PCDHGA2: variants seen among roughly 807,000 people sequenced by gnomAD.
PCDHGA2 encodes protocadherin gamma subfamily A, 2.
A neutral mutation model predicts 59.2 loss-of-function variants in PCDHGA2; 40 were observed. The ratio of observed to expected loss-of-function variants is 0.68; its 90% confidence interval spans 0.52 to 0.88. The LOEUF (loss-of-function observed/expected upper bound fraction) is 0.88. PCDHGA2 is among the 40% of genes least tolerant of loss of function. The pLI is 0.00. For missense variants in PCDHGA2, 1,226 were observed against 1,204.0 expected (o/e 1.02, Z -0.27); for synonymous variants, 560 against 526.0 (o/e 1.06, Z -0.89).
intron 2 of PCDHGA2, among the ~76,000 whole-genome samples, chr5:141,499,029 A>G (rs140948405): frequency 1.5e-3 from 205 of 140,068 alleles, no homozygotes; most frequent in African/African-American, 5.5e-3. Context: ...AGGAAGGAAG[A>G]AAAGAAAGAA....
rs1298448753 is a variant in PCDHGA2 at position 141,486,417 on chromosome 5, G to A, written c.2425-8390G>A. 1 of 1,614,132 alleles carries A rather than the reference G, an allele frequency of 6.2e-7. No individual in the cohort carries two copies. Among genetic ancestry groups the A allele is most frequent in the Non-Finnish European group, 8.5e-7 (1 of 1,179,998 alleles). ...CTGGTGACTGCTGGACCCTTGGATC[G>A]AGAGGCCAAATCTAGCTATGACATC... On this transcript the variant is annotated intron_variant, in intron 1 of 3. Transcript: ENST00000394576. The surrounding 1 kb of genome is among the most constrained non-coding windows in gnomAD (Gnocchi z 5.0).
At chr5:141,365,529 A>C (rs376283711) in intron 1 of PCDHGA2, 2 of 1,613,724 alleles carry the variant, frequency 1.2e-6, no homozygotes, top group Non-Finnish European at 1.7e-6. Context: ...TCAGTTGATA[A>C]TTACTATCAC....
At chr5:141,356,028 C>A in intron 1 of PCDHGA2, 1 of 1,613,932 alleles carries the variant, frequency 6.2e-7, no homozygotes, top group Non-Finnish European at 8.5e-7. Context: ...CCAATGGAGA[C>A]GTGACGTATT....
At chr5:141,370,736 A>C (rs1444909580) in intron 1 of PCDHGA2, 1 of 1,613,780 alleles carries the variant, frequency 6.2e-7, no homozygotes, top group Non-Finnish European at 8.5e-7. Flanking sequence ...AAAAGCCTTT[A>C]AACTTTTTTC....
Position 141,486,429 on chromosome 5 carries a change from C to G in PCDHGA2, c.2425-8378C>G, listed in dbSNP as rs2099629385. On this transcript the variant is annotated intron_variant, in intron 1 of 3. Transcript: ENST00000394576. The surrounding 1 kb of genome is among the most constrained non-coding windows in gnomAD (Gnocchi z 5.0). ...GGACCCTTGGATCGAGAGGCCAAAT[C>G]TAGCTATGACATCATGGTCACTGCT... 1.1e-5 allele frequency: 17 copies of G among 1,614,192 alleles called. No homozygotes were observed. Among genetic ancestry groups the G allele is most frequent in the Non-Finnish European group, 1.4e-5 (17 of 1,180,008 alleles).
In PCDHGA2 at chr5:141,340,767, G is replaced by A. The variant is rs200303682; in HGVS notation, c.1796G>A (p.Gly599Asp). 4 of 1,613,396 alleles carry A rather than the reference G, an allele frequency of 2.5e-6. No homozygotes were observed. Among genetic ancestry groups the A allele is most frequent in the South Asian group, 1.1e-5 (1 of 91,032 alleles). ...TKVVAVDRDS[G>D]QNAWLSYHLL... ...GTGGTGGCGGTGGACAGAGACTCGG[G>A]CCAGAACGCCTGGCTGTCTTACCAC... Residue 599 changes from glycine to aspartate, a missense_variant, in exon 1 of 4, where the codon GGC becomes GAC. Transcript: ENST00000394576.
chr5:141,360,540 G>T, intron 1 of PCDHGA2: 1 of 1,613,928 alleles, frequency 6.2e-7, no homozygotes, highest in Non-Finnish European at 8.5e-7. Context: ...TATTCAAACA[G>T]ACTAAGATTA....
chr5:141,388,848 G>A (rs766706887), intron 1 of PCDHGA2: 6 of 1,613,942 alleles, frequency 3.7e-6, no homozygotes, highest in South Asian at 3.3e-5. Flanking sequence ...AGCAAGGGAC[G>A]GTGGAGGAAT....
In PCDHGA2 at chr5:141,477,551, C is replaced by T. The variant is rs372055994; in HGVS notation, c.2425-17256C>T. ...CCTCCCCGGGGCTCCAATACTAAAC[C>T]TAAGTGTCTGGGACCCCGACGCCCC... On this transcript the variant is annotated intron_variant, in intron 1 of 3. Coordinates refer to ENST00000394576, the MANE Select transcript of PCDHGA2 (RefSeq NM_018915.4). The surrounding 1 kb of genome is among the most constrained non-coding windows in gnomAD (Gnocchi z 4.9). The T allele has an allele frequency of 8.1e-6, 13 of 1,614,060 alleles. No homozygotes were observed. Among genetic ancestry groups the T allele is most frequent in the Non-Finnish European group, 1.0e-5 (12 of 1,180,042 alleles).
At chr5:141,459,236 G>A (rs1248794102) in intron 1 of PCDHGA2, among the ~76,000 whole-genome samples, 2 of 152,176 alleles carry the variant, frequency 1.3e-5, no homozygotes, top group African/African-American at 2.4e-5. Context: ...CAACTGGTCT[G>A]CTTCCTGTCA....
rs1211398299 is a variant in PCDHGA2 at position 141,420,143 on chromosome 5, A to G, written c.2425-74664A>G. The G allele has an allele frequency of 1.2e-6, 2 of 1,614,052 alleles. No homozygotes were observed. The highest frequency in any genetic ancestry group is 2.2e-5 in the East Asian group (1 of 44,888). On this transcript the variant is annotated intron_variant, in intron 1 of 3. Transcript: ENST00000394576. The stretch of plus-strand genomic sequence containing the variant: ...TTTTTGTGTGCCTGGGGATCAAATG[A>G]ATCCAGAATTTAATTTTTTCACATC...
At chr5:141,371,720 C>T in intron 1 of PCDHGA2, 1 of 1,614,070 alleles carries the variant, frequency 6.2e-7, no homozygotes, top group Non-Finnish European at 8.5e-7. Context: ...CTCTGCACAT[C>T]CTTGATGTCA....
At chr5:141,350,700 T>C in intron 1 of PCDHGA2, 1 of 1,613,850 alleles carries the variant, frequency 6.2e-7, no homozygotes, top group African/African-American at 1.3e-5. Context: ...TTACCCGGGG[T>C]AAAATTCTCT....
intron 1 of PCDHGA2, chr5:141,355,493 G>A (rs1256895826): frequency 6.2e-7 from 1 of 1,613,954 alleles, no homozygotes; most frequent in Admixed American, 1.7e-5. Flanking sequence ...CTCTGCGACA[G>A]ATCTCCAAAC....
chr5:141,357,278 T>G, intron 1 of PCDHGA2: 1 of 1,613,822 alleles, frequency 6.2e-7, no homozygotes, highest in Non-Finnish European at 8.5e-7. Flanking sequence ...ACACTCTATC[T>G]CGTGGTGGCA....
intron 1 of PCDHGA2, among the ~76,000 whole-genome samples, chr5:141,468,089 T>C (rs1349447353): frequency 6.6e-6 from 1 of 151,010 alleles, no homozygotes; most frequent in Non-Finnish European, 1.5e-5. Context: ...CTTTGGGAGG[T>C]TGAGGCAGGC....
At position 141,340,351 on chromosome 5, in the gene PCDHGA2, C is replaced by A. The variant is rs1171573143; in HGVS notation, c.1380C>A (p.Tyr460Ter). The change falls in exon 1 of 4, where the codon TAC becomes TAA. Residue 460 changes from tyrosine (Y) to a stop codon, truncating the protein, a stop_gained. Coordinates refer to ENST00000394576, the MANE Select transcript of PCDHGA2 (RefSeq NM_018915.4). LOFTEE classifies it high-confidence loss of function. ...TCTCCCGCACATCCTACTCCACCTA[C>A]ATTCCCGAAAACAACCCCAGAGGAG... ...PAFSRTSYST[Y>*]IPENNPRGAS... The A allele has an allele frequency of 1.9e-6, 3 of 1,614,212 alleles. No homozygotes were observed. The Admixed American group carries it at 5.0e-5, about 27-fold the overall frequency.
At chr5:141,343,244 C>A in intron 1 of PCDHGA2, 1 of 919,264 alleles carries the variant, frequency 1.1e-6, no homozygotes, top group Non-Finnish European at 1.3e-6. Context: ...CAACAAATAT[C>A]GAAACTAAGT....
intron 1 of PCDHGA2, chr5:141,419,596 G>A (rs377287183): frequency 2.6e-5 from 42 of 1,611,564 alleles, no homozygotes; most frequent in Non-Finnish European, 3.3e-5. Flanking sequence ...ACACAGTGCC[G>A]CGGGCCGCGC....
Sources: gnomAD v4.1 joint callset for allele counts (sites outside exome capture counted in the v4.1 genomes callset) on GRCh38, gnomAD v4.1.1 for gene constraint, Gnocchi (gnomAD v3.1) non-coding constraint, MANE v1.5 for transcripts, NCBI Gene and HGNC (gene_info 2026-07-23, HGNC 2026-07-21) for gene names.